Variants in ANO4 observed in about 807,000 individuals in gnomAD.
The protein encoded by ANO4 is anoctamin 4.
A neutral mutation model predicts 141.9 loss-of-function variants in ANO4; 69 were observed. That is an observed-to-expected ratio of 0.49 (90% CI 0.40 to 0.59). The LOEUF (loss-of-function observed/expected upper bound fraction) is 0.59, where lower values mean the gene tolerates loss of function less well. ANO4 is among the 20% of genes least tolerant of loss of function. The pLI, the probability that ANO4 is intolerant of heterozygous loss-of-function variation, is 0.00. For synonymous variants in ANO4, 350 were observed against 394.3 expected, an observed-to-expected ratio of 0.89 and a Z score of 1.33; for missense variants, 894 against 1,162.2, an observed-to-expected ratio of 0.77 and a Z score of 3.36.
chr12:101,111,689 G>T lies in ANO4; in HGVS notation c.2429G>T (p.Gly810Val). Residue 810 changes from glycine to valine, a missense_variant, in exon 24 of 28, where the codon GGC (glycine) becomes GTC (valine). Physicochemically the swap from Gly to Val is moderately radical, Grantham distance 109. Around this residue, in one of 2 missense-constraint regions of ANO4, gnomAD observed 637 missense variants for 909.2 expected, o/e 0.70. Transcript: ENST00000392977. The part of the protein sequence containing the change: ...VYAYKYGPCA[G>V]QGEAGQKCMV... ...GCTTATAAGTATGGACCTTGTGCAGGCCAAGGAGAAGCTGGGCAAAAGTAA... is the reference window on the plus strand; with the variant it reads ...GCTTATAAGTATGGACCTTGTGCAGTCCAAGGAGAAGCTGGGCAAAAGTAA... 1 of 1,596,394 alleles carries T rather than the reference G, an allele frequency of 6.3e-7. No individual in the cohort carries two copies. Among genetic ancestry groups the T allele is most frequent in the Non-Finnish European group, 8.5e-7 (1 of 1,173,380 alleles).
intron 14 of ANO4, among the ~76,000 whole-genome samples, chr12:101,077,889 C>A (rs1317748468): frequency 2.6e-5 from 4 of 152,104 alleles, no homozygotes; most frequent in African/African-American, 9.7e-5. Flanking sequence ...GTATTACCCT[C>A]CTTCTTTTGC....
intron 1 of ANO4, among the ~76,000 whole-genome samples, chr12:100,806,702 G>A (rs529377210): frequency 3.7e-4 from 56 of 151,462 alleles, no homozygotes; most frequent in Admixed American, 3.2e-3. Context: ...CCACCACCAT[G>A]CCCAGCTAAT....
chr12:100,884,456 C>T (rs1027785567), intron 1 of ANO4, among the ~76,000 whole-genome samples: 1 of 152,202 alleles, frequency 6.6e-6, no homozygotes, highest in Non-Finnish European at 1.5e-5. Context: ...CTGGGTTAAG[C>T]TGATGGACCA....
chr12:101,036,246 G>A (rs2047190196), intron 9 of ANO4, among the ~76,000 whole-genome samples: 1 of 152,268 alleles, frequency 6.6e-6, no homozygotes, highest in East Asian at 1.9e-4. Context: ...TGCGCTGTTA[G>A]TAGGAATGTA....
At chr12:101,013,679 C>G (rs953049365) in intron 8 of ANO4, among the ~76,000 whole-genome samples, 1 of 152,172 alleles carries the variant, frequency 6.6e-6, no homozygotes, top group Non-Finnish European at 1.5e-5. Flanking sequence ...TAAAATTAAA[C>G]TAAGTTAAAA....
chr12:101,011,828 A>G (rs902675203), intron 8 of ANO4, among the ~76,000 whole-genome samples: 1 of 152,224 alleles, frequency 6.6e-6, no homozygotes, highest in African/African-American at 2.4e-5. Context: ...TAATGTGACT[A>G]TAATTCTAAA....
At chr12:101,001,204 T>C (rs1022611102) in intron 8 of ANO4, among the ~76,000 whole-genome samples, 22 of 152,008 alleles carry the variant, frequency 1.4e-4, no homozygotes, top group African/African-American at 5.3e-4. Flanking sequence ...TACAGTAAAA[T>C]AAGGAGGGGT....
chr12:100,789,013 G>T (rs2033959626), intron 3 of ANO4, among the ~76,000 whole-genome samples: 1 of 152,100 alleles, frequency 6.6e-6, no homozygotes, highest in African/African-American at 2.4e-5. Flanking sequence ...AATGATCTTG[G>T]TGAGTTCAAG....
intron 2 of ANO4, among the ~76,000 whole-genome samples, chr12:100,737,076 C>T (rs1278892428): frequency 6.6e-6 from 1 of 152,152 alleles, no homozygotes; most frequent in African/African-American, 2.4e-5. Context: ...CCAGAAGGTG[C>T]CAGTGTAACA....
At chr12:100,909,078 T>C (rs937224203) in intron 2 of ANO4, among the ~76,000 whole-genome samples, 9 of 152,172 alleles carry the variant, frequency 5.9e-5, no homozygotes, top group Non-Finnish European at 4.4e-5. Context: ...GAGAAACTAA[T>C]CATTTAGTCC....
rs1262785642 is a variant in ANO4, at chr12:100,939,414, C to G, written c.260C>G (p.Thr87Ser). Residue 87 changes from threonine (T) to serine (S), a missense_variant, in exon 4 of 28, where the codon ACT becomes AGT. Physicochemically the swap from Thr to Ser is moderately conservative, Grantham distance 58. This residue lies in a region of ANO4 where 257 missense variants were observed against 253.0 expected (regional missense o/e 1.02). Coordinates refer to ENST00000392977, the MANE Select transcript of ANO4 (RefSeq NM_001286615.2). ...SLLHPGNLTS[T>S]SDDASRLEAG... is the part of the protein sequence containing the mutation. ...CTTCACCCTGGAAACCTGACTAGTACTTCAGATGATGCCAGCAGATTGGAA... is the reference window on the plus strand; with the variant it reads ...CTTCACCCTGGAAACCTGACTAGTAGTTCAGATGATGCCAGCAGATTGGAA... 1.2e-5 allele frequency: 20 copies of G among 1,613,554 alleles called. No homozygotes were observed. The highest frequency in any genetic ancestry group is 1.7e-5 in the Non-Finnish European group (20 of 1,179,704).
intron 27 of ANO4, among the ~76,000 whole-genome samples, chr12:101,127,643 A>G (rs349663): frequency 0.82 from 124,365 of 152,148 alleles, 51,530 homozygotes; most frequent in African/African-American, 0.94. Flanking sequence ...CTATTTCCCC[A>G]ATAGTTGGCA....
Position 100,922,255 on chromosome 12 carries a change from C to A in ANO4, c.85C>A (p.Leu29Met). 6.5e-7 allele frequency: 1 copy of A among 1,532,752 alleles called. No homozygotes were observed. The highest frequency in any genetic ancestry group is 1.2e-5 in the South Asian group (1 of 83,610). The allele number at this position is 1,532,752 out of a possible 1,614,324, so 94.9% of individuals were successfully genotyped here. A position where few individuals can be genotyped will look rare whatever the true frequency, so the allele number is the denominator to read the frequency against. The change falls in exon 3 of 28, where the codon CTG becomes ATG. Residue 29 changes from leucine to methionine, a missense_variant. Transcript: ENST00000392977. ...EGGVDLQGYQLDMQILPDGPK... is the reference protein window; with the variant it reads ...EGGVDLQGYQMDMQILPDGPK... ...AGGTGTGGATTTGCAAGGCTACCAGCTGGATATGCAAATACTACCTGACGG... is the reference window on the plus strand; with the variant it reads ...AGGTGTGGATTTGCAAGGCTACCAGATGGATATGCAAATACTACCTGACGG...
intron 5 of ANO4, among the ~76,000 whole-genome samples, chr12:100,967,932 G>A (rs1452635425): frequency 6.6e-6 from 1 of 152,164 alleles, no homozygotes; most frequent in African/African-American, 2.4e-5. Context: ...TATGGAATCA[G>A]CTCTGTCTGG....
chr12:100,733,382 G>A (rs1040271534), intron 1 of ANO4, among the ~76,000 whole-genome samples: 5 of 152,004 alleles, frequency 3.3e-5, no homozygotes, highest in African/African-American at 4.8e-5. Context: ...TCACCTTTTA[G>A]GTTTTCATTA....
At chr12:101,002,183 A>G (rs1163770928) in intron 8 of ANO4, among the ~76,000 whole-genome samples, 1 of 151,964 alleles carries the variant, frequency 6.6e-6, no homozygotes, top group African/African-American at 2.4e-5. Context: ...TGTCTATCCC[A>G]CTCATGTCAC....
At chr12:100,927,847 T>C (rs1327719001) in intron 3 of ANO4, among the ~76,000 whole-genome samples, 1 of 152,052 alleles carries the variant, frequency 6.6e-6, no homozygotes, top group Non-Finnish European at 1.5e-5. Flanking sequence ...CTGAAACACA[T>C]GATTGTGTTG....
At chr12:100,796,033 G>A (rs888664635) in intron 1 of ANO4, among the ~76,000 whole-genome samples, 52 of 106,528 alleles carry the variant, frequency 4.9e-4, no homozygotes, top group Admixed American at 3.4e-3. Flanking sequence ...TCTCTTAACA[G>A]GGATTTTTTT....
At chr12:100,855,968 A>G (rs962286611) in intron 1 of ANO4, among the ~76,000 whole-genome samples, 7 of 152,198 alleles carry the variant, frequency 4.6e-5, no homozygotes, top group Non-Finnish European at 8.8e-5. Flanking sequence ...AAGGAATTTT[A>G]TAGAAGAACT....
Sources: allele counts gnomAD v4.1 joint callset (sites outside exome capture counted in the v4.1 genomes callset), GRCh38; gene constraint gnomAD v4.1.1; regional missense constraint gnomAD v4.1.1; transcripts MANE v1.5; gene names NCBI Gene and HGNC (gene_info 2026-07-23, HGNC 2026-07-21).